NDUFAF2: variants seen among roughly 807,000 people sequenced by gnomAD.
NDUFAF2 encodes the protein NADH dehydrogenase [ubiquinone] 1 alpha subcomplex assembly factor 2.
In NDUFAF2, 13 loss-of-function variants were observed where a neutral mutation model predicts 22.8. The observed-to-expected ratio is 0.57, with a 90% CI of 0.37 to 0.91. The LOEUF is 0.91. NDUFAF2 is among the 40% of genes least tolerant of loss of function. The probability of loss-of-function intolerance (pLI) is 0.01; values close to 1 mark genes in which losing one functional copy is unlikely to be tolerated. For missense variants in NDUFAF2, 162 were observed against 195.2 expected, an observed-to-expected ratio of 0.83 and a Z score of 1.01; for synonymous variants, 53 against 64.2, an observed-to-expected ratio of 0.83 and a Z score of 0.84.
intron 3 of NDUFAF2, chr5:61,146,499 T>G (rs1741140537): frequency 1.3e-5 from 2 of 152,246 alleles, no homozygotes; most frequent in African/African-American, 4.8e-5. Context: ...GAAAATGTTC[T>G]TATAATACCT....
At chr5:61,040,302 G>T (rs1179710331) in intron 1 of NDUFAF2, among the ~76,000 whole-genome samples, 3 of 146,478 alleles carry the variant, frequency 2.0e-5, no homozygotes, top group East Asian at 2.0e-4. Context: ...GCGCGCGCGC[G>T]AAAGTTGAAA....
intron 3 of NDUFAF2, among the ~76,000 whole-genome samples, chr5:61,142,077 C>T (rs939524059): frequency 1.3e-5 from 2 of 152,170 alleles, no homozygotes; most frequent in Non-Finnish European, 2.9e-5. Context: ...ATGGTCTTTC[C>T]TCTTCCCACA....
At chr5:61,026,466 G>C (rs763083695) in intron 1 of NDUFAF2, among the ~76,000 whole-genome samples, 48 of 151,998 alleles carry the variant, frequency 3.2e-4, no homozygotes, top group Non-Finnish European at 6.3e-4. Flanking sequence ...TAATATGTGT[G>C]TAAAAATCAG....
Position 61,147,569 on chromosome 5 carries a change from C to T in NDUFAF2, c.259-5135C>T, listed in dbSNP as rs185923971. On this transcript the variant is annotated intron_variant, in intron 3 of 3. Coordinates refer to ENST00000296597, the MANE Select transcript of NDUFAF2 (RefSeq NM_174889.5). ...GATTACAGGCGTGAGCCACCACGTA[C>T]GGCTAGAATCTTACTTTTAAGTTTT... 9.4e-4 allele frequency among the ~76,000 whole-genome samples: 142 copies of T among 151,436 alleles called. 1 individual carries two copies. Among genetic ancestry groups the T allele is most frequent in the East Asian group, 8.8e-3 (45 of 5,136 alleles).
chr5:61,111,792 G>A (rs1392052819), intron 3 of NDUFAF2, among the ~76,000 whole-genome samples: 1 of 151,818 alleles, frequency 6.6e-6, no homozygotes, highest in Non-Finnish European at 1.5e-5. Flanking sequence ...CTAATTTTTT[G>A]TATTTTTAGT....
At chr5:61,145,484 T>C (rs1180355998) in intron 3 of NDUFAF2, among the ~76,000 whole-genome samples, 1 of 152,128 alleles carries the variant, frequency 6.6e-6, no homozygotes, top group Non-Finnish European at 1.5e-5. Context: ...AAATTCGAAA[T>C]CCAGATTGCT....
intron 3 of NDUFAF2, among the ~76,000 whole-genome samples, chr5:61,099,306 A>G (rs548391379): frequency 1.6e-4 from 25 of 151,676 alleles, no homozygotes; most frequent in Middle Eastern, 3.4e-3. Flanking sequence ...AACACTCTGT[A>G]GAAAGTCTGA....
At chr5:61,092,653 A>G (rs1461268486) in intron 2 of NDUFAF2, among the ~76,000 whole-genome samples, 1 of 152,242 alleles carries the variant, frequency 6.6e-6, no homozygotes, top group South Asian at 2.1e-4. Context: ...GTCATCTGCA[A>G]ACAGGGATAA....
chr5:61,048,767 C>T (rs937136222), intron 1 of NDUFAF2, among the ~76,000 whole-genome samples: 2 of 152,106 alleles, frequency 1.3e-5, no homozygotes, highest in African/African-American at 2.4e-5. Flanking sequence ...CTCTCTATGA[C>T]TTAGATGTTA....
At chr5:61,069,335 G>A (rs1434240815) in intron 1 of NDUFAF2, among the ~76,000 whole-genome samples, 1 of 152,162 alleles carries the variant, frequency 6.6e-6, no homozygotes, top group African/African-American at 2.4e-5. Flanking sequence ...CACCATATGT[G>A]TGGCTGGGCC....
At chr5:61,094,358 A>G (rs1752608716) in intron 2 of NDUFAF2, among the ~76,000 whole-genome samples, 2 of 152,192 alleles carry the variant, frequency 1.3e-5, no homozygotes. Context: ...TCTTCTCTAT[A>G]CTGGCTGTTT....
At chr5:61,041,422 G>GT (rs1157496792) in intron 1 of NDUFAF2, among the ~76,000 whole-genome samples, 1 of 152,070 alleles carries the variant, frequency 6.6e-6, no homozygotes, top group African/African-American at 2.4e-5. Flanking sequence ...ACCCGTACCA[G>GT]TTTTTTTCAT....
At chr5:61,111,504 T>C (rs931721570) in intron 3 of NDUFAF2, among the ~76,000 whole-genome samples, 1 of 152,142 alleles carries the variant, frequency 6.6e-6, no homozygotes, top group Non-Finnish European at 1.5e-5. Flanking sequence ...TGGCATGATC[T>C]TGGCTCACTG....
At chr5:60,995,599 A>G (rs1048481259) in intron 1 of NDUFAF2, among the ~76,000 whole-genome samples, 3 of 152,228 alleles carry the variant, frequency 2.0e-5, no homozygotes, top group African/African-American at 7.2e-5. Context: ...CCCTATGGCC[A>G]TGAACACTAT....
intron 3 of NDUFAF2, among the ~76,000 whole-genome samples, chr5:61,148,519 G>T (rs1252607763): frequency 6.6e-6 from 1 of 152,066 alleles, no homozygotes; most frequent in Admixed American, 6.5e-5. Context: ...AGATATATTT[G>T]TACCTTCTGT....
intron 1 of NDUFAF2, among the ~76,000 whole-genome samples, chr5:61,035,125 G>A (rs1182090254): frequency 1.3e-5 from 2 of 150,956 alleles, no homozygotes; most frequent in East Asian, 1.9e-4. Flanking sequence ...GGAGTGCAGT[G>A]GCGTGATCTC....
intron 3 of NDUFAF2, among the ~76,000 whole-genome samples, chr5:61,128,358 A>G (rs2111808882): frequency 6.6e-6 from 1 of 152,328 alleles, no homozygotes; most frequent in Middle Eastern, 3.4e-3. Flanking sequence ...CTAAGCTAAA[A>G]GAACAAAGCT....
At chr5:60,972,674 C>T (rs1364675085) in intron 1 of NDUFAF2, among the ~76,000 whole-genome samples, 2 of 151,254 alleles carry the variant, frequency 1.3e-5, no homozygotes, top group Non-Finnish European at 2.9e-5. Flanking sequence ...TTCTTGTGTA[C>T]AGGTTATATT....
At chr5:61,003,964 G>A (rs1158356574) in intron 1 of NDUFAF2, among the ~76,000 whole-genome samples, 1 of 151,970 alleles carries the variant, frequency 6.6e-6, no homozygotes, top group East Asian at 1.9e-4. Context: ...ACTGTGCCCA[G>A]CCCTAAAATC....
Sources: gnomAD v4.1 joint callset for allele counts (sites outside exome capture counted in the v4.1 genomes callset) on GRCh38, gnomAD v4.1.1 for gene constraint, MANE v1.5 for transcripts, NCBI Gene and HGNC (gene_info 2026-07-23, HGNC 2026-07-21) for gene names.